Variants in DLGAP2 observed in about 807,000 individuals in gnomAD.
DLGAP2 encodes the protein disks large-associated protein 2.
Under a neutral mutation model 100.3 loss-of-function variants are expected in DLGAP2, and 26 were observed. The ratio of observed to expected loss-of-function variants is 0.26; its 90% CI spans 0.19 to 0.36. The LOEUF (loss-of-function observed/expected upper bound fraction) is 0.36. DLGAP2 is among the 10% of genes least tolerant of loss of function. The pLI, the probability that DLGAP2 is intolerant of heterozygous loss-of-function variation, is 1.00. For synonymous variants in DLGAP2, 886 were observed against 630.1 expected (o/e 1.41, Z -6.08); for missense variants, 1,858 against 1,453.2 (o/e 1.28, Z -4.53).
chr8:1,603,667 G>A (rs1199378305), intron 6 of DLGAP2, among the ~76,000 whole-genome samples: 1 of 94,976 alleles, frequency 1.1e-5, no homozygotes, highest in Non-Finnish European at 2.2e-5. Context: ...CTTTTGGGTT[G>A]TGCCAGCAAG....
chr8:1,200,110 G>A (rs1797838207), intron 2 of DLGAP2, among the ~76,000 whole-genome samples: 1 of 152,142 alleles, frequency 6.6e-6, no homozygotes, highest in Non-Finnish European at 1.5e-5. Context: ...AGGGTCGGGG[G>A]CGTGGGGGCC....
chr8:1,527,133 C>T (rs763475784), intron 4 of DLGAP2, among the ~76,000 whole-genome samples: 3 of 152,264 alleles, frequency 2.0e-5, no homozygotes, highest in Non-Finnish European at 4.4e-5. Context: ...GGCTCACGTT[C>T]ACACGCCCTA....
intron 3 of DLGAP2, among the ~76,000 whole-genome samples, chr8:1,408,661 A>T (rs933905239): frequency 6.6e-6 from 1 of 151,988 alleles, no homozygotes. Flanking sequence ...TGTATCTTGG[A>T]TGTTTGAGGC....
intron 10 of DLGAP2, among the ~76,000 whole-genome samples, chr8:1,670,609 C>T (rs188327310): frequency 6.6e-6 from 1 of 152,096 alleles, no homozygotes; most frequent in Non-Finnish European, 1.5e-5. Context: ...ACGGATGGGT[C>T]GCTGGGTGCG....
chr8:962,158 T>G (rs1799741154), intron 2 of DLGAP2, among the ~76,000 whole-genome samples: 1 of 152,244 alleles, frequency 6.6e-6, no homozygotes, highest in Non-Finnish European at 1.5e-5. Flanking sequence ...TCTTATAATT[T>G]GCATTATATT....
intron 4 of DLGAP2, among the ~76,000 whole-genome samples, chr8:1,502,507 T>G (rs1799757880): frequency 1.3e-5 from 2 of 152,354 alleles, no homozygotes; most frequent in Non-Finnish European, 2.9e-5. Context: ...CATTATCCAC[T>G]GCAACTGAGT....
intron 2 of DLGAP2, among the ~76,000 whole-genome samples, chr8:1,072,824 GT>G (rs1803476030): frequency 6.6e-6 from 1 of 152,240 alleles, no homozygotes; most frequent in Admixed American, 6.5e-5. Context: ...AGAAGAGGCC[GT>G]TGTGGGGCTC....
At chr8:1,187,208 C>T (rs754456377) in intron 2 of DLGAP2, among the ~76,000 whole-genome samples, 44 of 152,170 alleles carry the variant, frequency 2.9e-4, no homozygotes, top group Non-Finnish European at 5.9e-4. Flanking sequence ...ATTTCCCTCA[C>T]GGAATTTCAC....
chr8:1,586,689 C>T (rs533603505), intron 6 of DLGAP2, among the ~76,000 whole-genome samples: 3 of 152,326 alleles, frequency 2.0e-5, no homozygotes, highest in South Asian at 2.1e-4. Flanking sequence ...CCTTCTGTGG[C>T]GGACTCTAGG....
intron 6 of DLGAP2, among the ~76,000 whole-genome samples, chr8:1,605,545 T>G (rs1796769697): frequency 6.6e-6 from 1 of 152,200 alleles, no homozygotes; most frequent in Non-Finnish European, 1.5e-5. Context: ...GCTACATTCT[T>G]GTGGGCCTAA....
At chr8:1,139,318 G>A (rs561517216) in intron 2 of DLGAP2, among the ~76,000 whole-genome samples, 1 of 152,364 alleles carries the variant, frequency 6.6e-6, no homozygotes, top group South Asian at 2.1e-4. Flanking sequence ...AGCTGAGGCT[G>A]CAGGGATGCA....
chr8:910,480 G>C (rs1373023529), intron 2 of DLGAP2: 1 of 152,216 alleles, frequency 6.6e-6, no homozygotes, highest in Non-Finnish European at 1.5e-5. Context: ...TTTGTTGGTG[G>C]AGGAGAATGC....
At chr8:833,164 T>C (rs1796812352) in intron 1 of DLGAP2, among the ~76,000 whole-genome samples, 1 of 152,226 alleles carries the variant, frequency 6.6e-6, no homozygotes, top group Non-Finnish European at 1.5e-5. Context: ...GGCCGATGTC[T>C]GAGAGCTCTG....
At position 777,541 on chromosome 8, in the gene DLGAP2, G is replaced by T. The variant is rs551964370; in HGVS notation, c.18+39716G>T. Among the ~76,000 whole-genome samples the T allele has an allele frequency of 3.8e-3, 575 of 151,970 alleles. 2 individuals are homozygous for T. Among genetic ancestry groups the T allele is most frequent in the African/African-American group, 0.013 (538 of 41,468 alleles). ...TCCTTCAGGAGCTCTTTTAGGGCAG[G>T]CCTGGTGGTGACAAAATCTCTCAGC... is the stretch of plus-strand genomic sequence containing the variant. On this transcript the variant is annotated intron_variant, in intron 1 of 14. Transcript: ENST00000637795.
chr8:1,018,004 C>T (rs1801518730), intron 2 of DLGAP2, among the ~76,000 whole-genome samples: 2 of 152,168 alleles, frequency 1.3e-5, no homozygotes, highest in Non-Finnish European at 2.9e-5. Flanking sequence ...ACTATTCCCA[C>T]CCCATCCCTT....
intron 3 of DLGAP2, among the ~76,000 whole-genome samples, chr8:1,308,180 G>T (rs1195136895): frequency 1.3e-5 from 2 of 152,182 alleles, no homozygotes; most frequent in Non-Finnish European, 2.9e-5. Context: ...AAGTGCCTCA[G>T]GACAGAACGC....
At chr8:813,275 C>T (rs1052758289) in intron 1 of DLGAP2, among the ~76,000 whole-genome samples, 9 of 150,798 alleles carry the variant, frequency 6.0e-5, no homozygotes, top group African/African-American at 2.2e-4. Flanking sequence ...GAAAAAAAAA[C>T]CAAAATGCTG....
chr8:1,312,775 G>A (rs1473396002), intron 3 of DLGAP2, among the ~76,000 whole-genome samples: 1 of 152,182 alleles, frequency 6.6e-6, no homozygotes, highest in African/African-American at 2.4e-5. Flanking sequence ...GTGCCCATAT[G>A]CTCACCAATG....
At chr8:1,258,597 TAA>T (rs201639316) in intron 2 of DLGAP2, among the ~76,000 whole-genome samples, 61 of 150,222 alleles carry the variant, frequency 4.1e-4, no homozygotes, top group East Asian at 3.7e-3. Context: ...TTAGTAAAAT[TAA>T]AAAAAATTTT....
Sources: allele counts gnomAD v4.1 joint callset (sites outside exome capture counted in the v4.1 genomes callset), GRCh38; gene constraint gnomAD v4.1.1; transcripts MANE v1.5; gene names NCBI Gene and HGNC (gene_info 2026-07-23, HGNC 2026-07-21).